ITSN2: variants seen among roughly 807,000 people sequenced by gnomAD.
ITSN2 encodes intersectin-2.
Under a neutral mutation model 243.7 loss-of-function variants are expected in ITSN2, and 156 were observed. The ratio of observed to expected loss-of-function variants is 0.64; its 90% CI spans 0.56 to 0.73. The LOEUF (loss-of-function observed/expected upper bound fraction) is 0.73, where lower values mean the gene tolerates loss of function less well. ITSN2 is among the 30% of genes least tolerant of loss of function. The probability of loss-of-function intolerance (pLI) is 0.00; values close to 1 mark genes in which losing one functional copy is unlikely to be tolerated. For synonymous variants in ITSN2, 703 were observed against 699.9 expected (o/e 1.00, Z -0.07); for missense variants, 1,801 against 1,996.1 (o/e 0.90, Z 1.86).
At chr2:24,235,693 C>T (rs1406200439) in intron 29 of ITSN2, among the ~76,000 whole-genome samples, 3 of 152,034 alleles carry the variant, frequency 2.0e-5, no homozygotes, top group African/African-American at 2.4e-5. Context: ...AATTTTAAAA[C>T]GGGCAAAGGA....
intron 1 of ITSN2, among the ~76,000 whole-genome samples, chr2:24,337,335 T>TATATATATAC (rs1686536231): frequency 9.2e-6 from 1 of 108,964 alleles, no homozygotes; most frequent in Admixed American, 9.8e-5. Context: ...TATATATATA[T>TATATATATAC]ATATATATAT....
At chr2:24,268,626 T>C (rs1223079318) in intron 20 of ITSN2, among the ~76,000 whole-genome samples, 2 of 152,186 alleles carry the variant, frequency 1.3e-5, no homozygotes, top group Non-Finnish European at 2.9e-5. Context: ...CTTTGCTATA[T>C]ATAAATTATA....
chr2:24,276,767 G>A (rs147126518), intron 17 of ITSN2, among the ~76,000 whole-genome samples: 43 of 152,254 alleles, frequency 2.8e-4, no homozygotes, highest in African/African-American at 9.6e-4. Context: ...GCTCAGAAAC[G>A]ACTGGTCCAA....
chr2:24,241,290 T>C (rs570801644), intron 29 of ITSN2: 2 of 152,330 alleles, frequency 1.3e-5, no homozygotes, highest in South Asian at 2.1e-4. Context: ...ATAAATGCTC[T>C]AAGCTAGGAA....
rs140908410 is a variant in ITSN2 at position 24,255,315 on chromosome 2, A to C, written c.2889-884T>G. On this transcript the variant is annotated intron_variant, in intron 23 of 39. Transcript: ENST00000355123. ...ATGCCAGCTATATATGGTTGTTGTTACTGTTATTATATTCTTCTAAATCCA... is the reference window on the plus strand; with the variant it reads ...ATGCCAGCTATATATGGTTGTTGTTCCTGTTATTATATTCTTCTAAATCCA... Among the ~76,000 whole-genome samples, 834 of 152,328 alleles carry C rather than the reference A, an allele frequency of 5.5e-3. 10 individuals are homozygous for C. The highest frequency in any genetic ancestry group is 0.019 in the African/African-American group (784 of 41,564).
intron 4 of ITSN2, 70 bp downstream of exon 4, chr2:24,313,390 T>C: frequency 1.6e-6 from 2 of 1,281,180 alleles, no homozygotes; most frequent in Non-Finnish European, 2.2e-6. Flanking sequence ...AAAACAATTT[T>C]ATGTTAACAC....
Position 24,298,734 on chromosome 2 carries a change from A to C in ITSN2, c.1425T>G (p.Asn475Lys), listed in dbSNP as rs753339407. 1.1e-5 allele frequency: 17 copies of C among 1,612,634 alleles called. No individual in the cohort carries two copies. The highest frequency in any genetic ancestry group is 1.4e-5 in the Non-Finnish European group (16 of 1,179,326). Reference sequence around the variant, plus strand: ...ACCTGACAATTTCTTCTTGTTCTCTATTCTTTTGATTGAGAAGCTCCTGTC... The same window carrying C: ...ACCTGACAATTTCTTCTTGTTCTCTCTTCTTTTGATTGAGAAGCTCCTGTC... ...IRRQELLNQK[N>K]REQEEIVRLN... The change falls in exon 13 of 40, where the codon AAT becomes AAG. Residue 475 changes from asparagine (N) to lysine (K), a missense_variant. Asn to Lys is a moderately conservative substitution (Grantham distance 94). Transcript: ENST00000355123.
At chr2:24,317,083 G>A (rs1574289376) in intron 2 of ITSN2, among the ~76,000 whole-genome samples, 1 of 152,138 alleles carries the variant, frequency 6.6e-6, no homozygotes, top group African/African-American at 2.4e-5. Context: ...TTGGCTTTAC[G>A]TTAAAAAGTG....
At chr2:24,253,523 C>T (rs1472491008) in intron 24 of ITSN2, among the ~76,000 whole-genome samples, 2 of 152,170 alleles carry the variant, frequency 1.3e-5, no homozygotes, top group African/African-American at 2.4e-5. Flanking sequence ...CATCCTTTGT[C>T]ACTCTGCTAG....
At chr2:24,275,935 T>C (rs1677954654) in intron 17 of ITSN2, 86 bp from the exon 18 acceptor site, 1 of 974,832 alleles carries the variant, frequency 1.0e-6, no homozygotes, top group Non-Finnish European at 1.5e-6. Context: ...CATTAAAAGA[T>C]AAAAATCCTA....
chr2:24,314,211 A>G lies in ITSN2; in HGVS notation c.125-688T>C, dbSNP rs572156789. ...GATAGATGCCAATGCTCATTTTGCTAGTTATGCTGTTAGTCATAAGGTTCT... is the reference window on the plus strand; with the variant it reads ...GATAGATGCCAATGCTCATTTTGCTGGTTATGCTGTTAGTCATAAGGTTCT... On this transcript the variant is annotated intron_variant, in intron 3 of 39. Coordinates refer to ENST00000355123, the MANE Select transcript of ITSN2 (RefSeq NM_006277.3). Among the ~76,000 whole-genome samples the G allele has an allele frequency of 5.3e-5, 8 of 152,358 alleles. No homozygotes were observed. In the South Asian group the frequency reaches 1.7e-3, roughly 32 times the overall value.
intron 1 of ITSN2, among the ~76,000 whole-genome samples, chr2:24,355,535 G>C (rs1009585770): frequency 2.6e-5 from 4 of 152,180 alleles, no homozygotes; most frequent in Admixed American, 2.0e-4. Flanking sequence ...GCCATATGCA[G>C]AAAACTGAAA....
At chr2:24,282,865 A>T (rs980774381) in intron 17 of ITSN2, among the ~76,000 whole-genome samples, 2 of 152,156 alleles carry the variant, frequency 1.3e-5, no homozygotes, top group African/African-American at 4.8e-5. Context: ...TATTCTTTTT[A>T]TCTAATCCTT....
intron 29 of ITSN2, chr2:24,239,459 A>G (rs931388220): frequency 6.6e-6 from 1 of 152,068 alleles, no homozygotes; most frequent in Non-Finnish European, 1.5e-5. Flanking sequence ...GGGCTGATTT[A>G]CATTCTCAAA....
At chr2:24,330,013 T>C (rs1685593760) in intron 1 of ITSN2, among the ~76,000 whole-genome samples, 1 of 152,208 alleles carries the variant, frequency 6.6e-6, no homozygotes, top group Non-Finnish European at 1.5e-5. Context: ...ACTTAACAGA[T>C]ATGCAGTAGC....
chr2:24,308,015 T>A (rs1682773589), intron 8 of ITSN2, among the ~76,000 whole-genome samples: 1 of 152,360 alleles, frequency 6.6e-6, no homozygotes, highest in Non-Finnish European at 1.5e-5. Flanking sequence ...AATTTCTTGC[T>A]GAGTGAAGAG....
rs752263684 is a variant in ITSN2 at position 24,246,861 on chromosome 2, A to G, written c.3321T>C (p.Phe1107=). The change falls in exon 28 of 40, where the codon TTT becomes TTC. Residue 1107 remains phenylalanine, a synonymous_variant. Coordinates refer to ENST00000355123, the MANE Select transcript of ITSN2 (RefSeq NM_006277.3). ...ARGKKRQKGW[F]PASHVKLLGP... The stretch of plus-strand genomic sequence containing the variant: ...CCAAAAGTTTAACATGACTGGCAGG[A>G]AACCATCCTTTCTGTCGCTTTTTTC... 15 of 1,613,212 alleles carry G rather than the reference A, an allele frequency of 9.3e-6. No homozygotes were observed. Among genetic ancestry groups the G allele is most frequent in the Non-Finnish European group, 1.1e-5 (13 of 1,179,486 alleles).
intron 7 of ITSN2, among the ~76,000 whole-genome samples, chr2:24,309,581 A>G (rs1055091448): frequency 6.6e-6 from 1 of 152,254 alleles, no homozygotes; most frequent in African/African-American, 2.4e-5. Flanking sequence ...GACCATAAGA[A>G]GTATAGAACT....
At chr2:24,340,293 C>T (rs929849031) in intron 1 of ITSN2, among the ~76,000 whole-genome samples, 1 of 151,952 alleles carries the variant, frequency 6.6e-6, no homozygotes. Flanking sequence ...CCACCCTGGC[C>T]AAGATGGTAT....
Sources: gnomAD v4.1 joint callset for allele counts (sites outside exome capture counted in the v4.1 genomes callset) on GRCh38, gnomAD v4.1.1 for gene constraint, MANE v1.5 for transcripts, NCBI Gene and HGNC (gene_info 2026-07-23, HGNC 2026-07-21) for gene names.